The following ITGA8 variants were observed in gnomAD, a reference collection of about 807,000 sequenced individuals.
ITGA8 encodes the protein integrin subunit alpha 8, also known as integrin alpha-8.
Under a neutral mutation model 142.3 loss-of-function variants are expected in ITGA8, and 91 were observed. The ratio of observed to expected loss-of-function variants is 0.64; its 90% CI spans 0.54 to 0.76. The LOEUF is 0.76. Among genes scored for constraint, ITGA8 ranks in the 30% least tolerant of loss-of-function variants. The probability of loss-of-function intolerance (pLI) is 0.00; values close to 1 mark genes in which losing one functional copy is unlikely to be tolerated. For synonymous variants in ITGA8, 505 were observed against 485.2 expected (o/e 1.04, Z -0.54); for missense variants, 1,406 against 1,327.7 (o/e 1.06, Z -0.92).
At chr10:15,598,456 G>A (rs1350083405) in intron 20 of ITGA8, among the ~76,000 whole-genome samples, 8 of 151,968 alleles carry the variant, frequency 5.3e-5, no homozygotes, top group African/African-American at 1.2e-4. Flanking sequence ...AGCCCAAACC[G>A]AAAACCCAAG....
At position 15,719,898 on chromosome 10, in the gene ITGA8, C is replaced by G. The variant is rs1835533114; in HGVS notation, c.-127G>C. 4 of 713,432 alleles carry G rather than the reference C, an allele frequency of 5.6e-6. No individual in the cohort carries two copies. Among genetic ancestry groups the G allele is most frequent in the South Asian group, 1.1e-4 (2 of 17,574 alleles). The allele number at this position is 713,432 out of a possible 1,614,324, so 44.2% of individuals were successfully genotyped here. ...GTCCCGGGTCGGTGCGCTCGGCGCA[C>G]CCGTGGTGACAGTGCCCGGCGTCTG... On this transcript the variant is annotated 5_prime_UTR_variant, in exon 1 of 30. Transcript: ENST00000378076.
chr10:15,532,120 C>T (rs1173126944), intron 27 of ITGA8, among the ~76,000 whole-genome samples: 2 of 151,968 alleles, frequency 1.3e-5, no homozygotes, highest in Non-Finnish European at 2.9e-5. Flanking sequence ...TAATAGCACC[C>T]TCCCTCAGTT....
At chr10:15,567,682 G>A (rs1356861743) in intron 25 of ITGA8, among the ~76,000 whole-genome samples, 2 of 152,158 alleles carry the variant, frequency 1.3e-5, no homozygotes, top group African/African-American at 2.4e-5. Flanking sequence ...GAGAAAGTGG[G>A]AAGGGACATC....
At chr10:15,569,017 A>G (rs905233646) in intron 25 of ITGA8, among the ~76,000 whole-genome samples, 1 of 152,086 alleles carries the variant, frequency 6.6e-6, no homozygotes, top group African/African-American at 2.4e-5. Context: ...AGTCTGGCTT[A>G]TTTTTCACAA....
chr10:15,677,864 G>T (rs1834661306), intron 5 of ITGA8, among the ~76,000 whole-genome samples: 1 of 152,056 alleles, frequency 6.6e-6, no homozygotes, highest in Non-Finnish European at 1.5e-5. Flanking sequence ...GACTCAATTA[G>T]GTAAGTTGAA....
At chr10:15,643,817 C>T (rs1159001470) in intron 13 of ITGA8, among the ~76,000 whole-genome samples, 1 of 152,170 alleles carries the variant, frequency 6.6e-6, no homozygotes, top group Non-Finnish European at 1.5e-5. Context: ...GCCTTTCTAT[C>T]ATTGTCTCTT....
chr10:15,570,085 A>T (rs1207817691), intron 25 of ITGA8, among the ~76,000 whole-genome samples: 4 of 152,248 alleles, frequency 2.6e-5, no homozygotes, highest in Non-Finnish European at 5.9e-5. Flanking sequence ...AGGTGACAGT[A>T]CTTTGAGAAC....
chr10:15,573,876 TA>T lies in ITGA8; in HGVS notation c.2479-1508del, dbSNP rs879762081. Among the ~76,000 whole-genome samples the T allele has an allele frequency of 4.6e-3, 679 of 146,242 alleles. 4 individuals carry two copies. The highest frequency in any genetic ancestry group is 0.015 in the African/African-American group (607 of 40,138). ...CTTTACTGCTAGCATTGACTTTATT[TA>T]AAAAAAAAAACAAAAGCAAAAACAG... On this transcript the variant is annotated intron_variant, in intron 24 of 29. Coordinates refer to ENST00000378076, the MANE Select transcript of ITGA8 (RefSeq NM_003638.3).
rs1321380643 is a variant in ITGA8, at chr10:15,586,656, T to C, written c.2300A>G (p.Lys767Arg). ...NFDLQIRSSN[K>R]DNPDSNFVSL... is the part of the protein sequence containing the mutation. ...CACAAAATTGCTGTCTGGATTGTCC[T>C]TGTTGGAACTAAAACACAAGGACAT... The change falls in exon 23 of 30, where the codon AAG becomes AGG. Residue 767 changes from lysine to arginine, a missense_variant. By Grantham distance (26) the Lys-to-Arg change is conservative (BLOSUM62 2). Coordinates refer to ENST00000378076, the MANE Select transcript of ITGA8 (RefSeq NM_003638.3). 6.2e-7 allele frequency: 1 copy of C among 1,603,672 alleles called. No homozygotes were observed. Among genetic ancestry groups the C allele is most frequent in the African/African-American group, 1.3e-5 (1 of 74,724 alleles).
Position 15,671,603 on chromosome 10 carries a change from C to T in ITGA8, c.847G>A (p.Glu283Lys), listed in dbSNP as rs1834520252. 1.2e-6 allele frequency: 2 copies of T among 1,612,240 alleles called. No homozygotes were observed. Among genetic ancestry groups the T allele is most frequent in the Non-Finnish European group, 1.7e-6 (2 of 1,178,596 alleles). ...AGEFTGDSQQ[E>K]LVAGIPRGAQ... ...ATTTAAACTCAACAGTGCCTCTCAC[C>T]TTGCTGAGAATCCCCAGTAAACTCC... is the stretch of plus-strand genomic sequence containing the variant. The change falls in exon 8 of 30, where the codon GAA becomes AAA. Residue 283 changes from glutamate (E) to lysine (K), a missense_variant and splice_region_variant. Coordinates refer to ENST00000378076, the MANE Select transcript of ITGA8 (RefSeq NM_003638.3).
chr10:15,586,737 A>AT (rs1414159934), intron 22 of ITGA8, 73 bp from the exon 23 acceptor site: 1 of 858,592 alleles, frequency 1.2e-6, no homozygotes, highest in African/African-American at 1.7e-5. Flanking sequence ...CATAAAAAAC[A>AT]TTCTACATAT....
At chr10:15,519,226 T>C (rs1833012744) in intron 29 of ITGA8, 64 bp downstream of exon 29, 3 of 1,581,234 alleles carry the variant, frequency 1.9e-6, no homozygotes, top group Non-Finnish European at 2.6e-6. Context: ...TCCCTAACTG[T>C]ATCCCTCTAA....
intron 2 of ITGA8, among the ~76,000 whole-genome samples, chr10:15,708,530 A>G (rs948255908): frequency 1.3e-5 from 2 of 152,182 alleles, no homozygotes; most frequent in African/African-American, 4.8e-5. Flanking sequence ...TTGACACTGT[A>G]GCCCCCAATA....
chr10:15,696,397 T>A (rs150061630), intron 2 of ITGA8, among the ~76,000 whole-genome samples: 1 of 152,136 alleles, frequency 6.6e-6, no homozygotes, highest in African/African-American at 2.4e-5. Flanking sequence ...ATATGTAATA[T>A]GTAAGAGTCC....
chr10:15,620,888 T>G (rs918242213), intron 13 of ITGA8, among the ~76,000 whole-genome samples: 1 of 152,252 alleles, frequency 6.6e-6, no homozygotes, highest in African/African-American at 2.4e-5. Flanking sequence ...TATATTTATG[T>G]GTGCATGTGA....
chr10:15,665,966 G>A (rs1834383529), intron 8 of ITGA8, among the ~76,000 whole-genome samples: 1 of 152,192 alleles, frequency 6.6e-6, no homozygotes, highest in African/African-American at 2.4e-5. Flanking sequence ...CTCCAGCTTT[G>A]TTCTTTTGGT....
intron 13 of ITGA8, among the ~76,000 whole-genome samples, chr10:15,632,254 T>A (rs377663874): frequency 6.6e-6 from 1 of 150,710 alleles, no homozygotes. Context: ...TTCAATAGGA[T>A]TGCCTCTTCA....
At chr10:15,636,910 C>G (rs1467014126) in intron 13 of ITGA8, among the ~76,000 whole-genome samples, 1 of 152,162 alleles carries the variant, frequency 6.6e-6, no homozygotes, top group Non-Finnish European at 1.5e-5. Flanking sequence ...TTTGGAAGGT[C>G]AAGGCGGGTG....
chr10:15,697,283 A>G (rs1291211626), intron 2 of ITGA8, among the ~76,000 whole-genome samples: 1 of 152,176 alleles, frequency 6.6e-6, no homozygotes, highest in Non-Finnish European at 1.5e-5. Context: ...AGTACAGAGA[A>G]ATATAAGGAC....
Sources: allele counts gnomAD v4.1 joint callset (sites outside exome capture counted in the v4.1 genomes callset), GRCh38; gene constraint gnomAD v4.1.1; transcripts MANE v1.5; gene names NCBI Gene and HGNC (gene_info 2026-07-23, HGNC 2026-07-21).